ZNF69: variants seen among roughly 807,000 people sequenced by gnomAD.
ZNF69 encodes the protein zinc finger protein 69.
In ZNF69, 47 loss-of-function variants were observed where a neutral mutation model predicts 50.9. That is an observed-to-expected ratio of 0.92 (90% confidence interval 0.73 to 1.18). ZNF69 has a LOEUF of 1.18. Ranked by LOEUF, ZNF69 falls within the 50% of genes most tolerant of loss-of-function variation. The pLI, the probability that ZNF69 is intolerant of heterozygous loss-of-function variation, is 0.00. For synonymous variants in ZNF69, 216 were observed against 223.1 expected (o/e 0.97, Z 0.29); for missense variants, 717 against 675.1 (o/e 1.06, Z -0.69).
At chr19:11,961,171 C>T in the ZNF69 span, among the ~76,000 whole-genome samples, 2 of 152,218 alleles carry the variant, frequency 1.3e-5, no homozygotes, top group East Asian at 3.9e-4. Context: ...TTGGACACGA[C>T]GAACCTTTTA....
At chr19:11,934,188 T>A in the ZNF69 span, among the ~76,000 whole-genome samples, 21 of 147,644 alleles carry the variant, frequency 1.4e-4, no homozygotes, top group East Asian at 3.9e-4. Flanking sequence ...TATTTTTTTT[T>A]AAAAAAAGAC....
the ZNF69 span, among the ~76,000 whole-genome samples, chr19:11,967,349 C>T: frequency 1.3e-5 from 2 of 151,974 alleles, no homozygotes; most frequent in Non-Finnish European, 2.9e-5. Flanking sequence ...AAAACAAAAA[C>T]AAAATAAACA....
In ZNF69 at chr19:11,905,489, A is replaced by G. The variant is rs1321367767; in HGVS notation, c.1092A>G (p.Ile364Met). 2 of 1,614,234 alleles carry G rather than the reference A, an allele frequency of 1.2e-6. No individual in the cohort carries two copies. Among genetic ancestry groups the G allele is most frequent in the African/African-American group, 1.3e-5 (1 of 75,072 alleles). The change falls in exon 4 of 4, where the codon ATA becomes ATG. Residue 364 changes from isoleucine to methionine, a missense_variant. Ile to Met is a conservative substitution (Grantham distance 10). Coordinates refer to ENST00000429654, the MANE Select transcript of ZNF69 (RefSeq NM_001364730.1). ...GAGAAAGACCTTATGAATGTAAGATATGTGGGAAAGGCTTTTGTTCTGCCA... is the reference window on the plus strand; with the variant it reads ...GAGAAAGACCTTATGAATGTAAGATGTGTGGGAAAGGCTTTTGTTCTGCCA... ...HSGERPYECK[I>M]CGKGFCSANS...
chr19:11,977,067 G>A, the ZNF69 span: 9,294 of 1,614,132 alleles, frequency 5.8e-3, 421 homozygotes, highest in African/African-American at 0.1. Flanking sequence ...ATGTTGCTGT[G>A]AACTTCACCC....
Position 11,900,586 on chromosome 19 carries a change from C to T in ZNF69, c.64-2987C>T, listed in dbSNP as rs558218326. Among the ~76,000 whole-genome samples, 13 of 151,674 alleles carry T rather than the reference C, an allele frequency of 8.6e-5. No individual in the cohort carries two copies. The South Asian group carries it at 2.5e-3, about 29-fold the overall frequency. ...CAGGCTGGTCTCAAACTCCTGACTTCGGTGATCCACCCGTCTCTGCCTCCC... is the reference window on the plus strand; with the variant it reads ...CAGGCTGGTCTCAAACTCCTGACTTTGGTGATCCACCCGTCTCTGCCTCCC... On this transcript the variant is annotated intron_variant, in intron 1 of 3. Coordinates refer to ENST00000429654, the MANE Select transcript of ZNF69 (RefSeq NM_001364730.1).
chr19:11,904,959 G>A lies in ZNF69; in HGVS notation c.562G>A (p.Gly188Arg), dbSNP rs778174787. The A allele has an allele frequency of 6.2e-7, 1 of 1,614,148 alleles. No homozygotes were observed. The highest frequency in any genetic ancestry group is 8.5e-7 in the Non-Finnish European group (1 of 1,180,024). The change falls in exon 4 of 4, where the codon GGA becomes AGA. Residue 188 changes from glycine (G) to arginine (R), a missense_variant. Gly to Arg is a moderately radical substitution (Grantham distance 125, BLOSUM62 -2). Coordinates refer to ENST00000429654, the MANE Select transcript of ZNF69 (RefSeq NM_001364730.1). ...SFRTPQRDHT[G>R]EKPYACKECG... ...TAGAACACCACAAAGGGATCACACT[G>A]GAGAGAAACCCTATGCTTGTAAAGA...
chr19:11,930,141 C>T, the ZNF69 span, among the ~76,000 whole-genome samples: 19 of 148,294 alleles, frequency 1.3e-4, 1 homozygote, highest in Non-Finnish European at 2.1e-4. Flanking sequence ...GTATACTTTT[C>T]ATCTAGATAC....
At position 11,905,301 on chromosome 19, in the gene ZNF69, A is replaced by G. The variant is rs777889932; in HGVS notation, c.904A>G (p.Lys302Glu). 9 of 1,614,014 alleles carry G rather than the reference A, an allele frequency of 5.6e-6. No individual in the cohort carries two copies. The East Asian group carries it at 1.6e-4, about 28-fold the overall frequency. Residue 302 changes from lysine (K) to glutamate (E), a missense_variant, in exon 4 of 4, where the codon AAG (lysine) becomes GAG (glutamate). Physicochemically the swap from Lys to Glu is moderately conservative, Grantham distance 56. Transcript: ENST00000429654. ...RRHERIHTGE[K>E]AYQCKECGKA... Reference sequence around the variant, plus strand: ...ACATGAAAGGATTCACACGGGAGAGAAGGCTTATCAATGTAAGGAATGTGG... The same window carrying G: ...ACATGAAAGGATTCACACGGGAGAGGAGGCTTATCAATGTAAGGAATGTGG...
the ZNF69 span, among the ~76,000 whole-genome samples, chr19:11,937,483 T>C: frequency 6.8e-6 from 1 of 147,330 alleles, no homozygotes; most frequent in African/African-American, 2.6e-5. Context: ...TTTTCTTTTT[T>C]TCTTTCCTTT....
At chr19:11,922,400 G>A in the ZNF69 span, among the ~76,000 whole-genome samples, 8 of 152,120 alleles carry the variant, frequency 5.3e-5, no homozygotes, top group Non-Finnish European at 8.8e-5. Flanking sequence ...GATATGAATC[G>A]TCTGAGCCAG....
rs1160356392 is a variant in ZNF69 at position 11,904,848 on chromosome 19, C to A, written c.451C>A (p.His151Asn). The change falls in exon 4 of 4, where the codon CAC becomes AAC. Residue 151 changes from histidine to asparagine, a missense_variant. By Grantham distance (68) the His-to-Asn change is moderately conservative. Coordinates refer to ENST00000429654, the MANE Select transcript of ZNF69 (RefSeq NM_001364730.1). The stretch of plus-strand genomic sequence containing the variant: ...TATGAACATCAGAGGTGACATTGGA[C>A]ACAAGGCCTATGAGTATCAGGAATA... ...FNMNIRGDIG[H>N]KAYEYQEYGP... 1 of 1,614,130 alleles carries A rather than the reference C, an allele frequency of 6.2e-7. No homozygotes were observed. Among genetic ancestry groups the A allele is most frequent in the South Asian group, 1.1e-5 (1 of 91,086 alleles).
chr19:11,888,530 C>T (rs958729477), intron 1 of ZNF69, among the ~76,000 whole-genome samples: 4 of 152,074 alleles, frequency 2.6e-5, no homozygotes, highest in Non-Finnish European at 5.9e-5. Flanking sequence ...AGACCTTGGC[C>T]GAGGGAAAAA....
At chr19:11,974,931 T>A in the ZNF69 span, among the ~76,000 whole-genome samples, 1 of 152,158 alleles carries the variant, frequency 6.6e-6, no homozygotes, top group East Asian at 1.9e-4. Context: ...CATTACTTAC[T>A]GTGAAACAAA....
chr19:11,904,515 C>T (rs1455759580), intron 3 of ZNF69, 134 bp from the exon 4 acceptor site: 1 of 1,311,618 alleles, frequency 7.6e-7, no homozygotes, highest in Non-Finnish European at 1.0e-6. Flanking sequence ...GTCCAGTCAC[C>T]TTCAAACAAT....
chr19:11,921,196 C>T, the ZNF69 span, among the ~76,000 whole-genome samples: 1 of 151,506 alleles, frequency 6.6e-6, no homozygotes, highest in African/African-American at 2.4e-5. Context: ...CTTTAAGAAA[C>T]ATAGTATGGC....
chr19:11,892,841 T>C (rs1298801189), intron 1 of ZNF69, among the ~76,000 whole-genome samples: 2 of 152,082 alleles, frequency 1.3e-5, no homozygotes, highest in African/African-American at 4.8e-5. Flanking sequence ...TTTGTTGTTT[T>C]TGTTTGTTTG....
the ZNF69 span, among the ~76,000 whole-genome samples, chr19:11,957,346 G>A: frequency 2.6e-5 from 4 of 151,520 alleles, no homozygotes; most frequent in African/African-American, 9.7e-5. Flanking sequence ...TGCCTGCTTC[G>A]GCCTCCCAAA....
the ZNF69 span, among the ~76,000 whole-genome samples, chr19:11,969,556 C>T: frequency 6.6e-6 from 1 of 152,264 alleles, no homozygotes; most frequent in African/African-American, 2.4e-5. Context: ...ATTTCAGGAT[C>T]CTTAGGTAGG....
the ZNF69 span, among the ~76,000 whole-genome samples, chr19:11,974,642 G>A: frequency 6.8e-6 from 1 of 147,166 alleles, no homozygotes; most frequent in Non-Finnish European, 1.5e-5. Context: ...TGGCTCTGTC[G>A]CCCAGGCTGG....
Sources: allele counts gnomAD v4.1 joint callset (sites outside exome capture counted in the v4.1 genomes callset), GRCh38; gene constraint gnomAD v4.1.1; transcripts MANE v1.5; gene names NCBI Gene and HGNC (gene_info 2026-07-23, HGNC 2026-07-21).